Variants in CCDC93 observed in about 807,000 individuals in gnomAD.
CCDC93 encodes the protein coiled-coil domain-containing protein 93.
CCDC93 carries 61 observed loss-of-function variants against 108.2 expected under a neutral mutation model. That is an observed-to-expected ratio of 0.56 (90% CI 0.46 to 0.70). The LOEUF (loss-of-function observed/expected upper bound fraction) is 0.70. Ranked by LOEUF, CCDC93 falls within the 30% of genes least tolerant of loss-of-function variation. CCDC93 has a pLI of 0.00. For synonymous variants in CCDC93, 276 were observed against 260.4 expected (o/e 1.06, Z -0.58); for missense variants, 685 against 764.2 (o/e 0.90, Z 1.22).
rs1476249179 is a variant in CCDC93, at chr2:117,958,367, C to T, written c.1003G>A (p.Glu335Lys). Residue 335 changes from glutamate (E) to lysine (K), a missense_variant and splice_region_variant, in exon 12 of 24, where the codon GAG (glutamate) becomes AAG (lysine). Transcript: ENST00000376300. ...QIAQKTKHLE[E>K]LRASHTSLQA... ...ACTTACGAAAAGAAAACACTGACCTCTTCAAGATGTTTGGTCTTTTGCGCA... is the reference window on the plus strand; with the variant it reads ...ACTTACGAAAAGAAAACACTGACCTTTTCAAGATGTTTGGTCTTTTGCGCA... 2 of 1,583,092 alleles carry T rather than the reference C, an allele frequency of 1.3e-6. No individual in the cohort carries two copies. Among genetic ancestry groups the T allele is most frequent in the Non-Finnish European group, 1.7e-6 (2 of 1,151,648 alleles).
At chr2:118,001,373 C>T (rs1680847690) in intron 3 of CCDC93, among the ~76,000 whole-genome samples, 2 of 152,126 alleles carry the variant, frequency 1.3e-5, no homozygotes, top group African/African-American at 4.8e-5. Flanking sequence ...AGACCTTACA[C>T]CAGGTACCCA....
At position 117,953,040 on chromosome 2, in the gene CCDC93, A is replaced by G. The variant is rs546724756; in HGVS notation, c.1006-605T>C. Among the ~76,000 whole-genome samples the G allele has an allele frequency of 1.2e-3, 181 of 152,360 alleles. 1 individual carries two copies. The highest frequency in any genetic ancestry group is 4.2e-3 in the African/African-American group (173 of 41,580). ...ATTCCCTTTCTCTTGCTAAAACAGT[A>G]TATCCTTGTGTCTATCAACTTTTAG... On this transcript the variant is annotated intron_variant, in intron 12 of 23. Coordinates refer to ENST00000376300, the MANE Select transcript of CCDC93 (RefSeq NM_019044.5).
chr2:117,998,114 A>T (rs1680718698), intron 4 of CCDC93: 1 of 152,226 alleles, frequency 6.6e-6, no homozygotes, highest in South Asian at 2.1e-4. Context: ...CAGGAGTCAC[A>T]TGTCCAACCC....
intron 23 of CCDC93, among the ~76,000 whole-genome samples, chr2:117,928,658 G>A (rs1228765474): frequency 2.0e-5 from 3 of 152,176 alleles, no homozygotes; most frequent in African/African-American, 7.2e-5. Flanking sequence ...TTACACTGTT[G>A]GTGGGACTGT....
intron 6 of CCDC93, among the ~76,000 whole-genome samples, chr2:117,986,638 T>C (rs1349004401): frequency 6.6e-6 from 1 of 152,168 alleles, no homozygotes; most frequent in Non-Finnish European, 1.5e-5. Flanking sequence ...TTGTTCCCCA[T>C]GGATAATTCT....
intron 23 of CCDC93, chr2:117,930,744 C>A (rs1159133879): frequency 1.8e-5 from 4 of 225,080 alleles, no homozygotes; most frequent in Admixed American, 1.1e-4. Flanking sequence ...TTCCAAGTGG[C>A]CCTTGATACG....
At chr2:118,009,280 A>G (rs2104835910) in intron 1 of CCDC93, among the ~76,000 whole-genome samples, 1 of 152,282 alleles carries the variant, frequency 6.6e-6, no homozygotes, top group East Asian at 1.9e-4. Flanking sequence ...CTGAGGCACA[A>G]GAATCGCTTG....
At chr2:117,943,974 T>C in intron 18 of CCDC93, 50 bp downstream of exon 18, 2 of 1,277,570 alleles carry the variant, frequency 1.6e-6, no homozygotes, top group Non-Finnish European at 2.2e-6. Context: ...ATAGGACATT[T>C]ATACCTAGTT....
intron 23 of CCDC93, among the ~76,000 whole-genome samples, chr2:117,927,730 G>A (rs1678171345): frequency 6.6e-6 from 1 of 152,112 alleles, no homozygotes; most frequent in African/African-American, 2.4e-5. Context: ...AGCTACCAAT[G>A]ACTTTCTTCA....
chr2:118,000,774 A>T (rs1461948942), intron 4 of CCDC93, 47 bp downstream of exon 4: 1 of 1,252,552 alleles, frequency 8.0e-7, no homozygotes, highest in East Asian at 2.3e-5. Flanking sequence ...GGCCCATCAC[A>T]GGAATTCTGA....
At chr2:117,935,692 T>C in intron 21 of CCDC93, 113 bp from the exon 22 acceptor site, 3 of 745,396 alleles carry the variant, frequency 4.0e-6, no homozygotes, top group Admixed American at 5.0e-5. Context: ...GGCAATCAGG[T>C]CTTTGTAACG....
At chr2:117,999,460 T>C (rs1480078777) in intron 4 of CCDC93, 3 of 152,234 alleles carry the variant, frequency 2.0e-5, no homozygotes, top group South Asian at 2.1e-4. Flanking sequence ...TAAGGGATTA[T>C]AATAAACGCT....
intron 1 of CCDC93, among the ~76,000 whole-genome samples, chr2:118,013,636 G>C (rs1677080177): frequency 6.6e-6 from 1 of 152,210 alleles, no homozygotes; most frequent in African/African-American, 2.4e-5. Flanking sequence ...GTCCCGGACA[G>C]GGAGAAAGGT....
chr2:117,928,584 G>A (rs928580163), intron 23 of CCDC93, among the ~76,000 whole-genome samples: 20 of 152,178 alleles, frequency 1.3e-4, no homozygotes, highest in Non-Finnish European at 2.4e-4. Context: ...CAGTTAGAAT[G>A]GCAATCATTA....
chr2:117,971,086 G>A (rs1164500636), intron 11 of CCDC93, among the ~76,000 whole-genome samples: 1 of 152,220 alleles, frequency 6.6e-6, no homozygotes, highest in Non-Finnish European at 1.5e-5. Context: ...GGAACGGCCA[G>A]CCACAGTGGC....
intron 12 of CCDC93, among the ~76,000 whole-genome samples, chr2:117,954,771 G>C (rs1402130528): frequency 6.6e-6 from 1 of 152,156 alleles, no homozygotes; most frequent in Non-Finnish European, 1.5e-5. Context: ...TAATCCCCAC[G>C]TGTCGTGGGA....
intron 17 of CCDC93, 61 bp downstream of exon 17, chr2:117,945,468 G>T: frequency 7.3e-7 from 1 of 1,374,902 alleles, no homozygotes; most frequent in Non-Finnish European, 1.0e-6. Flanking sequence ...TCACAGGAGA[G>T]TGGAAAGCTG....
chr2:117,987,903 T>C (rs1327855649), intron 6 of CCDC93, among the ~76,000 whole-genome samples: 2 of 152,166 alleles, frequency 1.3e-5, no homozygotes, highest in Non-Finnish European at 2.9e-5. Flanking sequence ...GCTGTCCATT[T>C]GATCCCCACA....
chr2:117,944,753 C>G (rs1483737240), intron 17 of CCDC93: 1 of 471,168 alleles, frequency 2.1e-6, no homozygotes, highest in East Asian at 6.9e-5. Flanking sequence ...CAGCTGCAGG[C>G]AAAATCCAAC....
Sources: allele counts gnomAD v4.1 joint callset (sites outside exome capture counted in the v4.1 genomes callset), GRCh38; gene constraint gnomAD v4.1.1; transcripts MANE v1.5; gene names NCBI Gene and HGNC (gene_info 2026-07-23, HGNC 2026-07-21).